DOT1L: variants seen among roughly 807,000 people sequenced by gnomAD.
DOT1L encodes DOT1 like histone lysine methyltransferase.
In DOT1L, 33 loss-of-function variants were observed where a neutral mutation model predicts 153.3. That is an observed-to-expected ratio of 0.22 (90% CI 0.16 to 0.29). The LOEUF is 0.29. DOT1L is among the 10% of genes least tolerant of loss of function. DOT1L has a pLI of 1.00. For synonymous variants in DOT1L, 1,135 were observed against 965.1 expected (o/e 1.18, Z -3.26); for missense variants, 1,847 against 2,119.9 (o/e 0.87, Z 2.53).
rs781688356 is a variant in DOT1L, at chr19:2,191,869, G to A, written c.493+629G>A. On this transcript the variant is annotated intron_variant, in intron 5 of 27. Transcript: ENST00000398665. This position sits in a 1 kb window ranked among gnomAD's most constrained non-coding sequence, Gnocchi z 6.8. The stretch of plus-strand genomic sequence containing the variant: ...TGAGGTGTCGTCTCCTCTCAACCAC[G>A]GGCGGGGCTCCTTGAAACGAGGCCC... Among the ~76,000 whole-genome samples the A allele has an allele frequency of 1.3e-5, 2 of 152,172 alleles. No homozygotes were observed. The highest frequency in any genetic ancestry group is 4.8e-5 in the African/African-American group (2 of 41,446).
chr19:2,225,624 C>A (rs919219953), intron 26 of DOT1L, among the ~76,000 whole-genome samples, 172 bp downstream of exon 26: 1 of 151,272 alleles, frequency 6.6e-6, no homozygotes, highest in Non-Finnish European at 1.5e-5. Flanking sequence ...GCGTGGGCGC[C>A]GACACTGGGG....
Position 2,226,457 on chromosome 19 carries a change from T to G in DOT1L, c.3936T>G (p.Pro1312=). ...ACGGACTCAGCCCGGGCACCAACCC[T>G]GCCAACGGCTGCACCTTCGGCGGGG... ...GADGLSPGTN[P]ANGCTFGGGL... is the part of the protein sequence containing the mutation. The change falls in exon 27 of 28, where the codon CCT becomes CCG. Residue 1312 remains proline, a synonymous_variant. Transcript: ENST00000398665. 1 of 1,601,764 alleles carries G rather than the reference T, an allele frequency of 6.2e-7. No homozygotes were observed. The highest frequency in any genetic ancestry group is 1.1e-5 in the South Asian group (1 of 90,818).
At position 2,226,775 on chromosome 19, in the gene DOT1L, C is replaced by A. The variant is rs772845018; in HGVS notation, c.4254C>A (p.Val1418=). The A allele has an allele frequency of 6.4e-7, 1 of 1,570,776 alleles. No homozygotes were observed. The highest frequency in any genetic ancestry group is 1.4e-5 in the African/African-American group (1 of 72,968). The stretch of plus-strand genomic sequence containing the variant: ...CCGCCAAGGCCCGGGACCGCGAGGT[C>A]GACCTCAAGAATGGCCACAACCTCT... ...GKAAKARDRE[V]DLKNGHNLFI... Residue 1418 remains valine (V), a synonymous_variant, in exon 27 of 28, where the codon GTC becomes GTA. Transcript: ENST00000398665.
intron 5 of DOT1L, among the ~76,000 whole-genome samples, chr19:2,192,429 A>T (rs1038204176): frequency 6.6e-6 from 1 of 152,210 alleles, no homozygotes; most frequent in Non-Finnish European, 1.5e-5. Context: ...GCACTTTGGG[A>T]GGCCAAAGCA....
At chr19:2,194,692 G>GC (rs2022945352) in intron 7 of DOT1L, 115 bp downstream of exon 7, 3 of 465,096 alleles carry the variant, frequency 6.5e-6, no homozygotes, top group Non-Finnish European at 9.8e-6. Context: ...CACATGGTGT[G>GC]CCCCCTGGAG....
chr19:2,177,194 C>T (rs12982744), intron 1 of DOT1L, among the ~76,000 whole-genome samples: 24 of 152,194 alleles, frequency 1.6e-4, no homozygotes, highest in African/African-American at 4.8e-4. Context: ...TGTGGGCACC[C>T]GACATGTGGC....
At chr19:2,227,423 G>C in intron 27 of DOT1L, 1 of 639,026 alleles carries the variant, frequency 1.6e-6, no homozygotes, top group East Asian at 3.4e-5. Flanking sequence ...CACCTGCTAG[G>C]TGTGGCCGCC....
intron 27 of DOT1L, chr19:2,228,716 T>C: frequency 1.0e-6 from 1 of 985,358 alleles, no homozygotes. Context: ...CTCTAGCTCC[T>C]AGAGCAGTCT....
At position 2,207,953 on chromosome 19, in the gene DOT1L, G is replaced by A. The variant is rs1020942892; in HGVS notation, c.963+273G>A. ...CTACGCTCAGCTCCTGGGGTGGGGC[G>A]GGGCCATCAGAGTGATGTGTGACCA... On this transcript the variant is annotated intron_variant, in intron 11 of 27. Coordinates refer to ENST00000398665, the MANE Select transcript of DOT1L (RefSeq NM_032482.3). The surrounding 1 kb of genome is among the most constrained non-coding windows in gnomAD (Gnocchi z 4.5). 2.0e-5 allele frequency among the ~76,000 whole-genome samples: 3 copies of A among 152,094 alleles called. No individual in the cohort carries two copies. Among genetic ancestry groups the A allele is most frequent in the South Asian group, 2.1e-4 (1 of 4,826 alleles).
intron 3 of DOT1L, among the ~76,000 whole-genome samples, chr19:2,187,960 G>GGAAGTGAAAA (rs1415006571): frequency 6.6e-6 from 1 of 151,482 alleles, no homozygotes; most frequent in African/African-American, 2.4e-5. Context: ...AGACAGGAAG[G>GGAAGTGAAAA]GCCAGGGCTG....
intron 2 of DOT1L, among the ~76,000 whole-genome samples, chr19:2,184,545 C>G (rs1010996846): frequency 1.3e-5 from 2 of 152,072 alleles, no homozygotes; most frequent in African/African-American, 4.8e-5. Context: ...GAGCAGAGGC[C>G]GAACCCCCAT....
rs2024639034 is a variant in DOT1L at position 2,232,333 on chromosome 19, C to CGGGG, written c.*2541_*2542insGGGG. ...GTCAGTCTGTTCAGTGGTCAGCAGG[C>CGGGG]CCCCCACCCCCCGCCGACTGCCCTC... On this transcript the variant is annotated 3_prime_UTR_variant, in exon 28 of 28. Coordinates refer to ENST00000398665, the MANE Select transcript of DOT1L (RefSeq NM_032482.3). The CGGGG allele has an allele frequency of 4.8e-6, 1 of 206,602 alleles. No homozygotes were observed. The highest frequency in any genetic ancestry group is 1.9e-4 in the South Asian group (1 of 5,266). The allele number at this position is 206,602 out of a possible 1,614,324, so 12.8% of individuals were successfully genotyped here.
At position 2,231,838 on chromosome 19, in the gene DOT1L, GC is replaced by G. The variant is rs1599639011; in HGVS notation, c.*2048del. 9.1e-6 allele frequency: 2 copies of G among 219,802 alleles called. No individual in the cohort carries two copies. The highest frequency in any genetic ancestry group is 1.3e-4 in the East Asian group (2 of 15,056). The allele number at this position is 219,802 out of a possible 1,614,324, so 13.6% of individuals were successfully genotyped here. A position where few individuals can be genotyped will look rare whatever the true frequency, so the allele number is the denominator to read the frequency against. On this transcript the variant is annotated 3_prime_UTR_variant, in exon 28 of 28. Coordinates refer to ENST00000398665, the MANE Select transcript of DOT1L (RefSeq NM_032482.3). ...GGTGCCATCACGGGTCCTGCAGATG[GC>G]CATGCAGGGCTCCTGCCCACGCAGG...
chr19:2,222,536 T>G lies in DOT1L; in HGVS notation c.3367T>G (p.Ser1123Ala). ...TGGCCTTTTCACACAGCCTTCGGGGTCTCCCCTCAACCTCAACTCCATGGT... is the reference window on the plus strand; with the variant it reads ...TGGCCTTTTCACACAGCCTTCGGGGGCTCCCCTCAACCTCAACTCCATGGT... ...VAGLFTQPSG[S>A]PLNLNSMVSN... is the part of the protein sequence containing the mutation. Residue 1123 changes from serine to alanine, a missense_variant, in exon 24 of 28, where the codon TCT (serine) becomes GCT (alanine). Ser to Ala is a moderately conservative substitution (Grantham distance 99). Transcript: ENST00000398665. The surrounding 1 kb of genome is among the most constrained non-coding windows in gnomAD (Gnocchi z 6.5). 2 of 1,554,822 alleles carry G rather than the reference T, an allele frequency of 1.3e-6. No homozygotes were observed. Among genetic ancestry groups the G allele is most frequent in the Non-Finnish European group, 1.7e-6 (2 of 1,154,198 alleles).
intron 3 of DOT1L, among the ~76,000 whole-genome samples, chr19:2,187,124 C>G (rs897798346): frequency 2.0e-5 from 3 of 152,228 alleles, no homozygotes; most frequent in African/African-American, 7.2e-5. Flanking sequence ...TTTACCTCAC[C>G]CAGGAGCCCC....
At chr19:2,227,362 G>C in intron 27 of DOT1L, 1 of 727,606 alleles carries the variant, frequency 1.4e-6, no homozygotes. Flanking sequence ...CTTGTTTTCA[G>C]AAGGCCACCG....
Position 2,217,917 on chromosome 19 carries a change from C to T in DOT1L, c.2690C>T (p.Ala897Val), listed in dbSNP as rs759690350. 31 of 1,610,792 alleles carry T rather than the reference C, an allele frequency of 1.9e-5. No individual in the cohort carries two copies. The highest frequency in any genetic ancestry group is 6.7e-5 in the Admixed American group (4 of 59,884). Residue 897 changes from alanine (A) to valine (V), a missense_variant and splice_region_variant, in exon 22 of 28, where the codon GCG becomes GTG. Around this residue, in one of 8 missense-constraint regions of DOT1L, gnomAD observed 68 missense variants for 80.7 expected, o/e 0.84. Coordinates refer to ENST00000398665, the MANE Select transcript of DOT1L (RefSeq NM_032482.3). The surrounding 1 kb of genome is among the most constrained non-coding windows in gnomAD (Gnocchi z 7.3). ...GTGCTGCCCAGCCGCGCCGAGAGGG[C>T]GGTGAGTGGCTCCCAGGTGGCTGTC... ...SVVLPSRAER[A>V]RSTPSPVLQP...
rs2024163544 is a variant in DOT1L, at chr19:2,222,569, G to A, written c.3390+10G>A. The A allele has an allele frequency of 4.6e-6, 7 of 1,530,680 alleles. No individual in the cohort carries two copies. The highest frequency in any genetic ancestry group is 6.1e-6 in the Non-Finnish European group (7 of 1,143,088). The allele number at this position is 1,530,680 out of a possible 1,614,324, so 94.8% of individuals were successfully genotyped here. On this transcript the variant is annotated intron_variant, in intron 24 of 27. Transcript: ENST00000398665. This position sits in a 1 kb window ranked among gnomAD's most constrained non-coding sequence, Gnocchi z 6.5. ...CAACCTCAACTCCATGGTAAGGATGGGGACCGGCAGGGCTGGGGAGCGCGG... is the reference window on the plus strand; with the variant it reads ...CAACCTCAACTCCATGGTAAGGATGAGGACCGGCAGGGCTGGGGAGCGCGG...
At chr19:2,228,964 CG>C in intron 27 of DOT1L, 1 of 985,398 alleles carries the variant, frequency 1.0e-6, no homozygotes, top group Non-Finnish European at 1.2e-6. Context: ...GGGTTCCCGG[CG>C]GGGTCGAGAG....
Sources: gnomAD v4.1 joint callset for allele counts (sites outside exome capture counted in the v4.1 genomes callset) on GRCh38, gnomAD v4.1.1 for gene constraint, gnomAD v4.1.1 regional missense constraint, Gnocchi (gnomAD v3.1) non-coding constraint, MANE v1.5 for transcripts, NCBI Gene and HGNC (gene_info 2026-07-23, HGNC 2026-07-21) for gene names.